GABRB2: variants seen among roughly 807,000 people sequenced by gnomAD.
GABRB2 encodes gamma-aminobutyric acid receptor subunit beta-2.
In GABRB2, 16 loss-of-function variants were observed where a neutral mutation model predicts 54.7. The ratio of observed to expected loss-of-function variants is 0.29; its 90% confidence interval spans 0.20 to 0.44. The LOEUF (loss-of-function observed/expected upper bound fraction) is 0.44. Among genes scored for constraint, GABRB2 ranks in the 20% least tolerant of loss-of-function variants. The pLI is 1.00. For missense variants in GABRB2, 355 were observed against 644.0 expected, an observed-to-expected ratio of 0.55 and a Z score of 4.86; for synonymous variants, 244 against 233.8, an observed-to-expected ratio of 1.04 and a Z score of -0.40.
chr5:161,354,964 G>T (rs973428332), intron 5 of GABRB2, among the ~76,000 whole-genome samples: 1 of 151,838 alleles, frequency 6.6e-6, no homozygotes, highest in African/African-American at 2.4e-5. Flanking sequence ...TAAACACAAA[G>T]AGCTCATTTT....
rs1760757381 is a variant in GABRB2 at position 161,539,835 on chromosome 5, A to G, written c.237+5392T>C. On this transcript the variant is annotated intron_variant, in intron 3 of 9. Transcript: ENST00000393959. ...CATACAGAAGTTATGTTTACACTATACTGTATCTAATAAGTGTGAAATAGC... is the reference window on the plus strand; with the variant it reads ...CATACAGAAGTTATGTTTACACTATGCTGTATCTAATAAGTGTGAAATAGC... 2.0e-5 allele frequency among the ~76,000 whole-genome samples: 3 copies of G among 152,226 alleles called. No homozygotes were observed. The South Asian group carries it at 6.2e-4, about 32-fold the overall frequency.
chr5:161,516,959 C>T (rs549419156), intron 3 of GABRB2, among the ~76,000 whole-genome samples: 4 of 152,268 alleles, frequency 2.6e-5, no homozygotes, highest in African/African-American at 9.6e-5. Context: ...TACTTTACTT[C>T]AGAGAGTTAG....
intron 5 of GABRB2, among the ~76,000 whole-genome samples, chr5:161,388,433 C>A (rs1755712929): frequency 6.6e-6 from 1 of 152,108 alleles, no homozygotes; most frequent in Admixed American, 6.5e-5. Flanking sequence ...GTATAAATTG[C>A]TTTTGATGCT....
At chr5:161,497,050 C>T (rs1416387203) in intron 3 of GABRB2, among the ~76,000 whole-genome samples, 1 of 152,100 alleles carries the variant, frequency 6.6e-6, no homozygotes, top group African/African-American at 2.4e-5. Flanking sequence ...GGAGACATCC[C>T]TCATCCTCAT....
At chr5:161,399,714 T>C (rs1239796839) in intron 5 of GABRB2, among the ~76,000 whole-genome samples, 1 of 152,220 alleles carries the variant, frequency 6.6e-6, no homozygotes, top group Admixed American at 6.5e-5. Flanking sequence ...TTTCTTCAAC[T>C]AAACCTTAAT....
intron 5 of GABRB2, among the ~76,000 whole-genome samples, chr5:161,358,337 G>A (rs1174848199): frequency 6.6e-6 from 1 of 152,044 alleles, no homozygotes; most frequent in Non-Finnish European, 1.5e-5. Context: ...AACACAATTT[G>A]GGTGTCATGG....
At chr5:161,469,635 T>G (rs1056336071) in intron 3 of GABRB2, among the ~76,000 whole-genome samples, 2 of 151,864 alleles carry the variant, frequency 1.3e-5, no homozygotes, top group Non-Finnish European at 2.9e-5. Context: ...TCATATCTGC[T>G]TCATGTCTAA....
At chr5:161,387,688 C>T (rs73319062) in intron 5 of GABRB2, among the ~76,000 whole-genome samples, 308 of 152,218 alleles carry the variant, frequency 2.0e-3, no homozygotes, top group African/African-American at 7.0e-3. Flanking sequence ...TCTTTCATGT[C>T]AAACTGTTTT....
chr5:161,326,402 C>G lies in GABRB2; in HGVS notation c.1157G>C (p.Arg386Thr). Residue 386 changes from arginine (R) to threonine (T), a missense_variant, in exon 9 of 10, where the codon AGA (arginine) becomes ACA (threonine). Coordinates refer to ENST00000393959, the MANE Select transcript of GABRB2 (RefSeq NM_001371727.1). ...AGAGAAATCGTAATTGGTAGTCCGT[C>G]TAGTTGGGGAGAGGTTTCCAGTAGG... is the stretch of plus-strand genomic sequence containing the variant. Reference protein sequence around the residue: ...WDPTGNLSPTRRTTNYDFSLY... With the variant: ...WDPTGNLSPTTRTTNYDFSLY... The G allele has an allele frequency of 6.2e-7, 1 of 1,613,644 alleles. No homozygotes were observed. Among genetic ancestry groups the G allele is most frequent in the Non-Finnish European group, 8.5e-7 (1 of 1,179,658 alleles).
intron 5 of GABRB2, among the ~76,000 whole-genome samples, chr5:161,372,321 G>T (rs1342917743): frequency 1.3e-5 from 2 of 152,200 alleles, no homozygotes; most frequent in Non-Finnish European, 2.9e-5. Context: ...GCAGCTGATG[G>T]TGCCTGCCCT....
At chr5:161,454,814 G>T (rs1344764646) in intron 4 of GABRB2, among the ~76,000 whole-genome samples, 1 of 152,032 alleles carries the variant, frequency 6.6e-6, no homozygotes, top group Non-Finnish European at 1.5e-5. Context: ...ACCGACAAAA[G>T]TCCAAATTAA....
intron 3 of GABRB2, among the ~76,000 whole-genome samples, chr5:161,511,525 T>G (rs1196198425): frequency 1.3e-5 from 2 of 152,052 alleles, no homozygotes; most frequent in African/African-American, 2.4e-5. Context: ...AAGTACTATT[T>G]TTACCATAGG....
chr5:161,459,051 T>G (rs1261295701), intron 4 of GABRB2: 1 of 152,916 alleles, frequency 6.5e-6, no homozygotes, highest in East Asian at 1.9e-4. Flanking sequence ...AAAAACTATC[T>G]TATTCTATAA....
chr5:161,519,031 A>G (rs989975505), intron 3 of GABRB2, among the ~76,000 whole-genome samples: 2 of 152,186 alleles, frequency 1.3e-5, no homozygotes, highest in East Asian at 1.9e-4. Flanking sequence ...AAGTAGCTTC[A>G]GGGCAGAGTT....
At chr5:161,492,326 G>A (rs146843060) in intron 3 of GABRB2, among the ~76,000 whole-genome samples, 1 of 151,504 alleles carries the variant, frequency 6.6e-6, no homozygotes, top group Non-Finnish European at 1.5e-5. Context: ...CATTGAATCT[G>A]CCCTCTAAAT....
At chr5:161,536,688 C>T (rs563296196) in intron 3 of GABRB2, among the ~76,000 whole-genome samples, 1 of 152,284 alleles carries the variant, frequency 6.6e-6, no homozygotes, top group East Asian at 1.9e-4. Context: ...CCTCCGCCTC[C>T]CAGGTTCAAG....
rs372941304 is a variant in GABRB2, at chr5:161,315,154, T to G, written c.1191+11214A>C. ...AAACCACATGGCATTACATATAAAC[T>G]TTTAAGTGATTTATTATATTTGGTT... is the stretch of plus-strand genomic sequence containing the variant. On this transcript the variant is annotated intron_variant, in intron 9 of 9. Coordinates refer to ENST00000393959, the MANE Select transcript of GABRB2 (RefSeq NM_001371727.1). 2.0e-4 allele frequency among the ~76,000 whole-genome samples: 31 copies of G among 152,334 alleles called. No individual in the cohort carries two copies. In the South Asian group the frequency reaches 6.4e-3, roughly 32 times the overall value.
At chr5:161,421,552 C>G (rs1030433043) in intron 4 of GABRB2, among the ~76,000 whole-genome samples, 3 of 152,102 alleles carry the variant, frequency 2.0e-5, no homozygotes, top group African/African-American at 7.2e-5. Flanking sequence ...CTCTAACATG[C>G]CCCCACACAT....
At chr5:161,427,310 T>C (rs1344455422) in intron 4 of GABRB2, among the ~76,000 whole-genome samples, 1 of 152,172 alleles carries the variant, frequency 6.6e-6, no homozygotes, top group Admixed American at 6.6e-5. Context: ...GCTTTGACCA[T>C]AAATTATAAC....
Sources: allele counts gnomAD v4.1 joint callset (sites outside exome capture counted in the v4.1 genomes callset), GRCh38; gene constraint gnomAD v4.1.1; transcripts MANE v1.5; gene names NCBI Gene and HGNC (gene_info 2026-07-23, HGNC 2026-07-21).